The following AGBL1 variants were observed in gnomAD, a reference collection of about 807,000 sequenced individuals.
The protein encoded by AGBL1 is cytosolic carboxypeptidase 4.
A neutral mutation model predicts 118.9 loss-of-function variants in AGBL1; 130 were observed. That is an observed-to-expected ratio of 1.09 (90% CI 0.95 to 1.26). The LOEUF (loss-of-function observed/expected upper bound fraction) is 1.26. Among genes scored for constraint, AGBL1 ranks in the 50% most tolerant of loss-of-function variants. The probability of loss-of-function intolerance (pLI) is 0.00; values close to 1 mark genes in which losing one functional copy is unlikely to be tolerated. For missense variants in AGBL1, 1,584 were observed against 1,298.1 expected (o/e 1.22, Z -3.38); for synonymous variants, 555 against 478.9 (o/e 1.16, Z -2.08).
chr15:86,867,331 A>C (rs1045496773), intron 22 of AGBL1, among the ~76,000 whole-genome samples: 5 of 152,134 alleles, frequency 3.3e-5, no homozygotes, highest in Non-Finnish European at 7.4e-5. Context: ...TTTTGCCAAG[A>C]GTTGACATTA....
At chr15:86,133,958 A>G (rs1332720529) in intron 1 of AGBL1, among the ~76,000 whole-genome samples, 1 of 152,108 alleles carries the variant, frequency 6.6e-6, no homozygotes, top group East Asian at 1.9e-4. Context: ...TTCCATGCCA[A>G]CCCCCACCAT....
Position 86,831,158 on chromosome 15 carries a change from A to G in AGBL1, c.3159-75929A>G, listed in dbSNP as rs147037871. 3.1e-3 allele frequency among the ~76,000 whole-genome samples: 470 copies of G among 152,236 alleles called. 3 individuals are homozygous for G. Among genetic ancestry groups the G allele is most frequent in the African/African-American group, 0.011 (455 of 41,532 alleles). ...GGGAAAAACCTGCCCGCATGATTCA[A>G]TTACCTCCCCCTGGGTTCCTCCCAT... On this transcript the variant is annotated intron_variant, in intron 22 of 22. Coordinates refer to ENST00000614907, the MANE Select transcript of AGBL1 (RefSeq NM_001386094.1).
intron 17 of AGBL1, among the ~76,000 whole-genome samples, chr15:86,320,953 T>C (rs1414276847): frequency 6.6e-6 from 1 of 152,160 alleles, no homozygotes; most frequent in African/African-American, 2.4e-5. Context: ...ATAAATCCAT[T>C]TGTCATCATA....
At chr15:86,152,392 C>G (rs1417411027) in intron 3 of AGBL1, among the ~76,000 whole-genome samples, 1 of 152,108 alleles carries the variant, frequency 6.6e-6, no homozygotes, top group African/African-American at 2.4e-5. Flanking sequence ...TGTGACAAAC[C>G]TGACAAAAAC....
At chr15:86,498,079 T>TTA (rs2082875143) in intron 18 of AGBL1, among the ~76,000 whole-genome samples, 1 of 151,932 alleles carries the variant, frequency 6.6e-6, no homozygotes, top group African/African-American at 2.4e-5. Context: ...CATTAAGATT[T>TTA]TATAGACTTT....
At chr15:86,996,519 C>G (rs2081381911) in intron 24 of AGBL1, among the ~76,000 whole-genome samples, 1 of 152,130 alleles carries the variant, frequency 6.6e-6, no homozygotes, top group Non-Finnish European at 1.5e-5. Context: ...GGAGGATAGC[C>G]TGAGCCTGAG....
chr15:86,177,213 T>G (rs1192930871), intron 5 of AGBL1, among the ~76,000 whole-genome samples: 1 of 152,154 alleles, frequency 6.6e-6, no homozygotes, highest in Non-Finnish European at 1.5e-5. Context: ...AAAAGGTAAT[T>G]CCGTAATAGT....
chr15:86,695,909 G>T (rs922915059), intron 22 of AGBL1, among the ~76,000 whole-genome samples: 2 of 150,218 alleles, frequency 1.3e-5, no homozygotes, highest in Non-Finnish European at 2.9e-5. Flanking sequence ...GGTTATGAAG[G>T]TTCCTTTTGG....
chr15:86,670,544 C>T (rs1337308426), intron 21 of AGBL1, among the ~76,000 whole-genome samples: 1 of 150,318 alleles, frequency 6.7e-6, no homozygotes, highest in Non-Finnish European at 1.5e-5. Flanking sequence ...GCAGAGGTTG[C>T]AGTGAGCTGA....
chr15:86,331,242 A>C (rs2080264079), intron 17 of AGBL1, among the ~76,000 whole-genome samples: 1 of 147,524 alleles, frequency 6.8e-6, no homozygotes, highest in African/African-American at 2.5e-5. Context: ...AAAAAAAAAA[A>C]CAAAGTCTGA....
At chr15:86,586,022 G>C (rs1025515491) in intron 21 of AGBL1, among the ~76,000 whole-genome samples, 1 of 152,184 alleles carries the variant, frequency 6.6e-6, no homozygotes, top group Admixed American at 6.5e-5. Context: ...AGACACACAG[G>C]CATGCTGCCT....
intron 21 of AGBL1, among the ~76,000 whole-genome samples, chr15:86,639,140 C>T (rs2085151732): frequency 6.6e-6 from 1 of 152,118 alleles, no homozygotes; most frequent in South Asian, 2.1e-4. Flanking sequence ...GACATCTCGC[C>T]ACCTTTACTG....
chr15:87,001,261 C>T (rs961916031), intron 24 of AGBL1, among the ~76,000 whole-genome samples: 1 of 151,518 alleles, frequency 6.6e-6, no homozygotes, highest in Non-Finnish European at 1.5e-5. Context: ...ACTTCCAACA[C>T]TATGTTGAAT....
At chr15:86,594,202 C>T (rs998976418) in intron 21 of AGBL1, among the ~76,000 whole-genome samples, 8 of 152,124 alleles carry the variant, frequency 5.3e-5, no homozygotes, top group Non-Finnish European at 8.8e-5. Context: ...TGAGCCACTG[C>T]GTCTAGCCCT....
chr15:87,019,878 C>G (rs980801445), intron 24 of AGBL1, among the ~76,000 whole-genome samples: 3 of 151,730 alleles, frequency 2.0e-5, no homozygotes, highest in African/African-American at 7.3e-5. Context: ...ACTAGTTAGA[C>G]TAATAAAGAA....
At chr15:86,787,184 C>T (rs2078425133) in intron 22 of AGBL1, among the ~76,000 whole-genome samples, 1 of 152,048 alleles carries the variant, frequency 6.6e-6, no homozygotes. Flanking sequence ...TTACTACAGT[C>T]AAGCAAACTA....
intron 21 of AGBL1, among the ~76,000 whole-genome samples, chr15:86,668,118 A>T (rs1596352277): frequency 6.6e-6 from 1 of 152,144 alleles, no homozygotes; most frequent in East Asian, 1.9e-4. Flanking sequence ...TGGGGAGGGC[A>T]CCAAGCCATC....
Position 86,214,970 on chromosome 15 carries a change from G to T in AGBL1, c.489-9944G>T, listed in dbSNP as rs199685330. 1.4e-4 allele frequency among the ~76,000 whole-genome samples: 22 copies of T among 152,270 alleles called. No homozygotes were observed. The East Asian group carries it at 4.1e-3, about 28-fold the overall frequency. The stretch of plus-strand genomic sequence containing the variant: ...CTGCATCTGTCTTTGACAGCATCTG[G>T]ATAGAGTTGTAGGGGAGGAGGTTCT... On this transcript the variant is annotated intron_variant, in intron 5 of 22. Coordinates refer to ENST00000614907, the MANE Select transcript of AGBL1 (RefSeq NM_001386094.1).
At chr15:86,979,697 G>C (rs1348053587) in intron 23 of AGBL1, among the ~76,000 whole-genome samples, 1 of 152,070 alleles carries the variant, frequency 6.6e-6, no homozygotes, top group Non-Finnish European at 1.5e-5. Flanking sequence ...TAGAGATAGG[G>C]TTTCACCGTG....
Sources: gnomAD v4.1 joint callset for allele counts (sites outside exome capture counted in the v4.1 genomes callset) on GRCh38, gnomAD v4.1.1 for gene constraint, MANE v1.5 for transcripts, NCBI Gene and HGNC (gene_info 2026-07-23, HGNC 2026-07-21) for gene names.